Variants in ENTREP2 observed in about 807,000 individuals in gnomAD.
ENTREP2 encodes the protein endosomal transmembrane epsin interactor 2.
the ENTREP2 span, among the ~76,000 whole-genome samples, chr15:29,359,893 C>T: frequency 6.6e-6 from 1 of 152,156 alleles, no homozygotes; most frequent in Non-Finnish European, 1.5e-5. Flanking sequence ...ATTGTTTCAA[C>T]TTCATCCCAC....
the ENTREP2 span, among the ~76,000 whole-genome samples, chr15:29,371,911 A>AAT: frequency 6.7e-6 from 1 of 149,498 alleles, no homozygotes; most frequent in East Asian, 2.0e-4. Context: ...AAAATAAATA[A>AAT]ATAGATAGAT....
the ENTREP2 span, among the ~76,000 whole-genome samples, chr15:29,402,265 T>TATATATATATATACAC: frequency 2.5e-4 from 34 of 137,854 alleles, no homozygotes; most frequent in East Asian, 4.0e-4. Context: ...TATATATATA[T>TATATATATATATACAC]ACACACACAT....
At chr15:29,366,771 T>C in the ENTREP2 span, among the ~76,000 whole-genome samples, 2 of 152,218 alleles carry the variant, frequency 1.3e-5, no homozygotes, top group African/African-American at 2.4e-5. Context: ...AGAAATACTC[T>C]GGCTGGAAAG....
At chr15:29,573,017 G>T in the ENTREP2 span, among the ~76,000 whole-genome samples, 1 of 152,260 alleles carries the variant, frequency 6.6e-6, no homozygotes, top group Non-Finnish European at 1.5e-5. Context: ...CGAGAATTGG[G>T]TGTGTTTGGG....
the ENTREP2 span, among the ~76,000 whole-genome samples, chr15:29,155,300 AAAAG>A: frequency 2.0e-5 from 3 of 151,916 alleles, no homozygotes; most frequent in African/African-American, 7.3e-5. Flanking sequence ...AAAAAAAAAA[AAAAG>A]AAGAAGCGTT....
chr15:29,248,242 A>T, the ENTREP2 span, among the ~76,000 whole-genome samples: 5 of 151,782 alleles, frequency 3.3e-5, no homozygotes, highest in African/African-American at 4.8e-5. Flanking sequence ...TAACTATATT[A>T]AAAAAAAGCA....
the ENTREP2 span, among the ~76,000 whole-genome samples, chr15:29,623,128 T>G: frequency 1.3e-5 from 2 of 152,164 alleles, no homozygotes; most frequent in African/African-American, 2.4e-5. Flanking sequence ...AATGAAGAAT[T>G]CCTTTCTGAA....
At chr15:29,370,912 A>T in the ENTREP2 span, among the ~76,000 whole-genome samples, 14 of 152,164 alleles carry the variant, frequency 9.2e-5, no homozygotes, top group Admixed American at 4.6e-4. Flanking sequence ...GAAGACACTA[A>T]GAACAGATTT....
chr15:29,131,089 C>G, the ENTREP2 span, among the ~76,000 whole-genome samples: 2,894 of 152,242 alleles, frequency 0.019, 83 homozygotes, highest in African/African-American at 0.062. Context: ...TTGTATGAAG[C>G]TAAGACACTT....
chr15:29,177,155 G>C, the ENTREP2 span, among the ~76,000 whole-genome samples: 3 of 152,314 alleles, frequency 2.0e-5, no homozygotes, highest in Admixed American at 2.0e-4. Flanking sequence ...AGCAGAAGCT[G>C]AGCCAATGGA....
chr15:29,385,728 G>A, the ENTREP2 span, among the ~76,000 whole-genome samples: 73 of 152,238 alleles, frequency 4.8e-4, no homozygotes, highest in African/African-American at 1.7e-3. Context: ...GGGGTGCCTG[G>A]CGAGGGCTCC....
At chr15:29,148,877 T>C in the ENTREP2 span, among the ~76,000 whole-genome samples, 2 of 151,146 alleles carry the variant, frequency 1.3e-5, no homozygotes, top group African/African-American at 4.9e-5. Flanking sequence ...GATTTTTTTT[T>C]AATTTTTTTT....
the ENTREP2 span, among the ~76,000 whole-genome samples, chr15:29,611,885 C>T: frequency 6.6e-6 from 1 of 152,200 alleles, no homozygotes; most frequent in Non-Finnish European, 1.5e-5. Flanking sequence ...TAAACCAAGG[C>T]TGCCATTTCT....
chr15:29,241,241 G>C, the ENTREP2 span, among the ~76,000 whole-genome samples: 1 of 152,172 alleles, frequency 6.6e-6, no homozygotes, highest in Non-Finnish European at 1.5e-5. Flanking sequence ...TTCTCAGCAG[G>C]GGTAAAGTAC....
the ENTREP2 span, among the ~76,000 whole-genome samples, chr15:29,239,548 C>T: frequency 8.5e-5 from 13 of 152,088 alleles, 1 homozygote; most frequent in Admixed American, 7.2e-4. Flanking sequence ...TGGAGCAAGT[C>T]GAGAGAGGCA....
At chr15:29,570,556 G>C in the ENTREP2 span, 4 of 1,469,160 alleles carry the variant, frequency 2.7e-6, no homozygotes, top group South Asian at 3.8e-5. Flanking sequence ...CCGAGGTGGT[G>C]AGCGCCAGCG....
chr15:29,426,014 T>C, the ENTREP2 span, among the ~76,000 whole-genome samples: 3 of 150,154 alleles, frequency 2.0e-5, no homozygotes, highest in African/African-American at 7.3e-5. Flanking sequence ...TATAAATTAT[T>C]GAATTTATAT....
At chr15:29,143,631 T>C in the ENTREP2 span, among the ~76,000 whole-genome samples, 1 of 152,154 alleles carries the variant, frequency 6.6e-6, no homozygotes, top group Non-Finnish European at 1.5e-5. Context: ...AATTAGTTGA[T>C]TGGGAAAGGG....
chr15:29,556,780 ATGTGGATTCAGTTCCCCACC>A, the ENTREP2 span, among the ~76,000 whole-genome samples: 1 of 55,772 alleles, frequency 1.8e-5, no homozygotes, highest in South Asian at 5.5e-4. Context: ...CCCGCCCCAC[ATGTGGATTCAGTTCCCCACC>A]TGTGGTCCCC....
Sources: allele counts gnomAD v4.1 joint callset (sites outside exome capture counted in the v4.1 genomes callset), GRCh38; gene constraint gnomAD v4.1.1; transcripts MANE v1.5; gene names NCBI Gene and HGNC (gene_info 2026-07-23, HGNC 2026-07-21).